Variants in ANKRD45 observed in about 807,000 individuals in gnomAD.
The protein encoded by ANKRD45 is ankyrin repeat domain 45.
ANKRD45 carries 21 observed loss-of-function variants against 28.1 expected under a neutral mutation model. That is an observed-to-expected ratio of 0.75 (90% CI 0.53 to 1.08). The LOEUF (loss-of-function observed/expected upper bound fraction) is 1.08, where lower values mean the gene tolerates loss of function less well. ANKRD45 is among the 50% of genes least tolerant of loss of function. The pLI is 0.00. For synonymous variants in ANKRD45, 86 were observed against 103.9 expected (o/e 0.83, Z 1.05); for missense variants, 261 against 308.7 (o/e 0.85, Z 1.16).
At chr1:173,663,465 T>C (rs74774806) in intron 1 of ANKRD45, among the ~76,000 whole-genome samples, 1 of 147,070 alleles carries the variant, frequency 6.8e-6, no homozygotes, top group African/African-American at 2.7e-5. Context: ...CTCATCTCCT[T>C]TTCTTTTGGA....
chr1:173,665,200 T>G (rs1669956042), intron 1 of ANKRD45, among the ~76,000 whole-genome samples: 1 of 152,100 alleles, frequency 6.6e-6, no homozygotes, highest in South Asian at 2.1e-4. Flanking sequence ...AACTAGGTCT[T>G]GCTACATTGC....
the ANKRD45 span, among the ~76,000 whole-genome samples, chr1:173,697,422 T>G: frequency 6.6e-6 from 1 of 152,078 alleles, no homozygotes; most frequent in East Asian, 1.9e-4. Flanking sequence ...AGAGAAAGGT[T>G]GGGTTACCCA....
intron 1 of ANKRD45, chr1:173,669,398 CAA>C (rs58611776): frequency 0.013 from 5,079 of 377,338 alleles, no homozygotes; most frequent in African/African-American, 0.018. Context: ...TTTTTTTCTT[CAA>C]AAAAAAAAAA....
intron 1 of ANKRD45, among the ~76,000 whole-genome samples, chr1:173,668,164 T>A (rs1670103432): frequency 6.6e-6 from 1 of 152,216 alleles, no homozygotes; most frequent in South Asian, 2.1e-4. Context: ...AAGAGTAAAA[T>A]GGAGTCCTGA....
At chr1:173,677,355 T>C in the ANKRD45 span, among the ~76,000 whole-genome samples, 103 of 152,318 alleles carry the variant, frequency 6.8e-4, 1 homozygote, top group Middle Eastern at 3.4e-3. Context: ...TTTATAATCT[T>C]TATTAATGTT....
At chr1:173,681,247 T>A in the ANKRD45 span, among the ~76,000 whole-genome samples, 2 of 152,202 alleles carry the variant, frequency 1.3e-5, no homozygotes, top group Non-Finnish European at 2.9e-5. Flanking sequence ...TCTATTCAGT[T>A]ATTTAGTGTA....
At chr1:173,639,301 A>G (rs948456990) in intron 3 of ANKRD45, among the ~76,000 whole-genome samples, 23 of 152,318 alleles carry the variant, frequency 1.5e-4, no homozygotes, top group Non-Finnish European at 3.4e-4. Context: ...GGCATAAAGG[A>G]CTTTTCTTTC....
the ANKRD45 span, among the ~76,000 whole-genome samples, chr1:173,687,278 T>C: frequency 6.6e-6 from 1 of 152,194 alleles, no homozygotes; most frequent in South Asian, 2.1e-4. Context: ...TTTTAAATTA[T>C]ACAACATTTC....
Position 173,627,072 on chromosome 1 carries a change from TCCTTAAGGAGTTTC to T in ANKRD45, c.570_583del (p.Lys191ArgfsTer14). 1 of 1,605,040 alleles carries T rather than the reference TCCTTAAGGAGTTTC, an allele frequency of 6.2e-7. No homozygotes were observed. The highest frequency in any genetic ancestry group is 2.2e-5 in the East Asian group (1 of 44,838). On this transcript the variant is annotated frameshift_variant, in exon 4 of 6. Transcript: ENST00000333279. LOFTEE classifies it high-confidence loss of function. ...ATAATCACAATACAGTACCTTGTCT[TCCTTAAGGAGTTTC>T]CCTGATCCCTTTTCTGTGTCAGTAA... is the stretch of plus-strand genomic sequence containing the variant.
chr1:173,692,276 A>G, the ANKRD45 span, among the ~76,000 whole-genome samples: 14 of 152,356 alleles, frequency 9.2e-5, no homozygotes, highest in Non-Finnish European at 1.8e-4. Flanking sequence ...TTGGTTTTAT[A>G]CATTTTAGGG....
At chr1:173,622,013 A>AGCTCT (rs1667729230) in intron 5 of ANKRD45, among the ~76,000 whole-genome samples, 1 of 152,152 alleles carries the variant, frequency 6.6e-6, no homozygotes, top group African/African-American at 2.4e-5. Flanking sequence ...TACACCAACA[A>AGCTCT]CAGGCAAGCA....
At chr1:173,661,831 A>C (rs1274874182) in intron 1 of ANKRD45, among the ~76,000 whole-genome samples, 8 of 152,176 alleles carry the variant, frequency 5.3e-5, no homozygotes, top group Admixed American at 5.2e-4. Flanking sequence ...ACAGGCAATA[A>C]AAAATAAAAA....
chr1:173,610,030 ATGT>A lies in ANKRD45; in HGVS notation c.*112_*114del. 1 of 1,060,106 alleles carries A rather than the reference ATGT, an allele frequency of 9.4e-7. No individual in the cohort carries two copies. The highest frequency in any genetic ancestry group is 1.4e-6 in the Non-Finnish European group (1 of 700,474). 65.7% of individuals were successfully genotyped at this position (1,060,106 alleles called of 1,614,324 possible). On this transcript the variant is annotated 3_prime_UTR_variant, in exon 6 of 6. Coordinates refer to ENST00000333279, the MANE Select transcript of ANKRD45 (RefSeq NM_198493.3). ...GGTCAAACAAAACAAGGGCGATGTA[ATGT>A]TGTACTTAAATACTTAAAGAAACCC...
intron 3 of ANKRD45, among the ~76,000 whole-genome samples, chr1:173,645,074 A>G (rs1458497595): frequency 6.6e-6 from 1 of 152,062 alleles, no homozygotes; most frequent in East Asian, 1.9e-4. Flanking sequence ...ATTATTTGCT[A>G]TTTGTGTTTT....
intron 1 of ANKRD45, among the ~76,000 whole-genome samples, chr1:173,666,198 C>A (rs911697643): frequency 2.0e-5 from 3 of 152,210 alleles, no homozygotes; most frequent in South Asian, 4.1e-4. Context: ...CAGGCTGGGA[C>A]TAGAACTTAT....
the ANKRD45 span, among the ~76,000 whole-genome samples, chr1:173,704,814 G>A: frequency 6.6e-6 from 1 of 152,326 alleles, no homozygotes; most frequent in Admixed American, 6.5e-5. Flanking sequence ...ATGGAGTTTA[G>A]TATGTAATTT....
At chr1:173,614,811 G>GTTTTA (rs199692573) in intron 5 of ANKRD45, among the ~76,000 whole-genome samples, 3,800 of 151,700 alleles carry the variant, frequency 0.025, 166 homozygotes, top group African/African-American at 0.088. Context: ...GGATTTTGTT[G>GTTTTA]TTTTATTTTA....
intron 5 of ANKRD45, among the ~76,000 whole-genome samples, chr1:173,620,746 A>G (rs1434713573): frequency 1.3e-5 from 2 of 152,174 alleles, no homozygotes; most frequent in Non-Finnish European, 2.9e-5. Flanking sequence ...AGTATAAAAA[A>G]AAAAAGAACC....
chr1:173,706,907 C>A, the ANKRD45 span, among the ~76,000 whole-genome samples: 1 of 152,154 alleles, frequency 6.6e-6, no homozygotes, highest in Non-Finnish European at 1.5e-5. Flanking sequence ...ACACTGGTCA[C>A]AAATGAGTGC....
Sources: gnomAD v4.1 joint callset for allele counts (sites outside exome capture counted in the v4.1 genomes callset) on GRCh38, gnomAD v4.1.1 for gene constraint, MANE v1.5 for transcripts, NCBI Gene and HGNC (gene_info 2026-07-23, HGNC 2026-07-21) for gene names.